Variants in CDC42SE2 observed in about 807,000 individuals in gnomAD.
CDC42SE2 encodes CDC42 small effector 2, also known as CDC42 small effector protein 2.
CDC42SE2 carries 3 observed loss-of-function variants against 11.5 expected under a neutral mutation model. That is an observed-to-expected ratio of 0.26 (90% CI 0.12 to 0.67). The LOEUF (loss-of-function observed/expected upper bound fraction) is 0.67. Among genes scored for constraint, CDC42SE2 ranks in the 30% least tolerant of loss-of-function variants. The pLI is 0.80. For missense variants in CDC42SE2, 82 were observed against 106.8 expected (o/e 0.77, Z 1.02); for synonymous variants, 33 against 34.8 (o/e 0.95, Z 0.18).
chr5:131,345,975 C>T (rs1037786354), intron 2 of CDC42SE2, among the ~76,000 whole-genome samples: 14 of 152,102 alleles, frequency 9.2e-5, no homozygotes, highest in Non-Finnish European at 2.1e-4. Context: ...CACCAGGCCT[C>T]CCTTACAAGA....
intron 1 of CDC42SE2, among the ~76,000 whole-genome samples, chr5:131,266,109 A>C (rs893628186): frequency 6.6e-6 from 1 of 152,206 alleles, no homozygotes; most frequent in Admixed American, 6.5e-5. Flanking sequence ...ATGTGGACTT[A>C]TCTTTTAGTA....
At chr5:131,268,560 C>A (rs565717762) in intron 1 of CDC42SE2, among the ~76,000 whole-genome samples, 1 of 151,716 alleles carries the variant, frequency 6.6e-6, no homozygotes, top group Non-Finnish European at 1.5e-5. Context: ...TCAAACAATT[C>A]TCCTGCCTCA....
At chr5:131,244,259 G>T (rs956497320), upstream of CDC42SE2, among the ~76,000 whole-genome samples, 1 of 152,164 alleles carries the variant, frequency 6.6e-6, no homozygotes, top group Non-Finnish European at 1.5e-5. Flanking sequence ...TGGGTGATAT[G>T]AATCTACTTT....
rs376595413 is a variant in CDC42SE2, at chr5:131,391,085, G to A, written c.249G>A (p.Ala83=). 1.4e-4 allele frequency: 228 copies of A among 1,611,348 alleles called. No individual in the cohort carries two copies. The highest frequency in any genetic ancestry group is 1.8e-4 in the Non-Finnish European group (214 of 1,178,256). Residue 83 remains alanine (A), a synonymous_variant, in exon 5 of 5, where the codon GCG becomes GCA. Transcript: ENST00000505065. ...AGATGCAGCTCGTGGATACGAAGGC[G>A]GGATAGCCCTGGTCCTTTCTCCAGT... ...NVQMQLVDTK[A]G is the part of the protein sequence containing the mutation.
Position 131,392,099 on chromosome 5 carries a change from C to G in CDC42SE2, c.*1008C>G, listed in dbSNP as rs988505151. On this transcript the variant is annotated 3_prime_UTR_variant, in exon 5 of 5. Transcript: ENST00000505065. Reference sequence around the variant, plus strand: ...TTTTCAATGTTTAATCAGTATGGATCTGATCTTCGCATGATCTTTTTTGTG... The same window carrying G: ...TTTTCAATGTTTAATCAGTATGGATGTGATCTTCGCATGATCTTTTTTGTG... 2 of 152,620 alleles carry G rather than the reference C, an allele frequency of 1.3e-5. No homozygotes were observed. Among genetic ancestry groups the G allele is most frequent in the African/African-American group, 4.8e-5 (2 of 41,414 alleles). 9.5% of individuals were successfully genotyped at this position (152,620 alleles called of 1,614,324 possible).
At chr5:131,316,413 A>G (rs1267394892) in intron 2 of CDC42SE2, among the ~76,000 whole-genome samples, 1 of 152,172 alleles carries the variant, frequency 6.6e-6, no homozygotes, top group Non-Finnish European at 1.5e-5. Context: ...GGCCTGAAAT[A>G]CTGTATTTGA....
chr5:131,348,645 A>C (rs1758917444), intron 2 of CDC42SE2, among the ~76,000 whole-genome samples: 1 of 152,182 alleles, frequency 6.6e-6, no homozygotes, highest in African/African-American at 2.4e-5. Context: ...AAACTACTTT[A>C]AAGTTCATAT....
chr5:131,350,541 A>G (rs992644076), intron 2 of CDC42SE2, among the ~76,000 whole-genome samples: 1 of 152,034 alleles, frequency 6.6e-6, no homozygotes, highest in Non-Finnish European at 1.5e-5. Flanking sequence ...ATTTGACTAC[A>G]TAAGGCTTTA....
intron 1 of CDC42SE2, among the ~76,000 whole-genome samples, chr5:131,268,054 CTTTTTTTTTTTTT>C (rs148354795): frequency 8.9e-4 from 58 of 65,450 alleles, no homozygotes; most frequent in African/African-American, 3.6e-3. Context: ...CATGCTTATT[CTTTTTTTTTTTTT>C]TTTTTTTTTT....
At chr5:131,265,050 T>C (rs974902305) in intron 1 of CDC42SE2, among the ~76,000 whole-genome samples, 9 of 152,186 alleles carry the variant, frequency 5.9e-5, no homozygotes, top group Non-Finnish European at 1.3e-4. Context: ...AAAGCTTATC[T>C]CACATCTAGT....
chr5:131,274,197 T>C (rs1330945959), intron 1 of CDC42SE2, among the ~76,000 whole-genome samples: 1 of 152,204 alleles, frequency 6.6e-6, no homozygotes, highest in African/African-American at 2.4e-5. Context: ...CCAGATTTAA[T>C]GTCACAACTG....
intron 2 of CDC42SE2, among the ~76,000 whole-genome samples, chr5:131,345,226 G>A (rs564783752): frequency 6.6e-6 from 1 of 152,174 alleles, no homozygotes; most frequent in East Asian, 1.9e-4. Context: ...GAGAATGTTC[G>A]AACCTATCGC....
chr5:131,314,148 CTATT>C (rs984113196), intron 1 of CDC42SE2, among the ~76,000 whole-genome samples: 23 of 151,786 alleles, frequency 1.5e-4, no homozygotes, highest in Middle Eastern at 3.2e-3. Flanking sequence ...ATATTATTCT[CTATT>C]TGTTTTTGCA....
the CDC42SE2 span, among the ~76,000 whole-genome samples, chr5:131,218,174 C>CAAA: frequency 0.021 from 1,594 of 74,680 alleles, 34 homozygotes; most frequent in African/African-American, 0.052. Context: ...GACCCTGTCT[C>CAAA]AAAAAAAAAA....
At chr5:131,307,730 T>C (rs1326713932) in intron 1 of CDC42SE2, among the ~76,000 whole-genome samples, 1 of 152,194 alleles carries the variant, frequency 6.6e-6, no homozygotes, top group Non-Finnish European at 1.5e-5. Context: ...CAGCACCTGT[T>C]GTTTCCTGAC....
chr5:131,391,127 G>C lies in CDC42SE2; in HGVS notation c.*36G>C. On this transcript the variant is annotated 3_prime_UTR_variant, in exon 5 of 5. Coordinates refer to ENST00000505065, the MANE Select transcript of CDC42SE2 (RefSeq NM_001375635.1). ...TTCTCCAGTGAGTACTCAGAGCTGG[G>C]GTCTGGACCTGACGGCCAGACATGG... The C allele has an allele frequency of 6.7e-7, 1 of 1,495,476 alleles. No homozygotes were observed. Among genetic ancestry groups the C allele is most frequent in the South Asian group, 1.1e-5 (1 of 87,394 alleles). The allele number at this position is 1,495,476 out of a possible 1,614,324, so 92.6% of individuals were successfully genotyped here.
intron 1 of CDC42SE2, among the ~76,000 whole-genome samples, chr5:131,248,044 A>AAACTTCCTT (rs765678826): frequency 5.9e-5 from 9 of 152,262 alleles, no homozygotes; most frequent in Non-Finnish European, 1.3e-4. Context: ...AAATAGATGG[A>AAACTTCCTT]AACTTCCTTA....
intron 3 of CDC42SE2, among the ~76,000 whole-genome samples, chr5:131,368,231 C>T (rs138712620): frequency 0.041 from 4,676 of 112,802 alleles, 257 homozygotes; most frequent in African/African-American, 0.15. Context: ...CCAGCCTGGG[C>T]AATAGAGTGA....
chr5:131,339,469 G>A (rs1319146375), intron 2 of CDC42SE2, among the ~76,000 whole-genome samples: 1 of 151,966 alleles, frequency 6.6e-6, no homozygotes, highest in African/African-American at 2.4e-5. Flanking sequence ...AGACACTATA[G>A]TAGGTCAATT....
Sources: gnomAD v4.1 joint callset for allele counts (sites outside exome capture counted in the v4.1 genomes callset) on GRCh38, gnomAD v4.1.1 for gene constraint, MANE v1.5 for transcripts, NCBI Gene and HGNC (gene_info 2026-07-23, HGNC 2026-07-21) for gene names.